The following ZFHX3 variants were observed in gnomAD, a reference collection of about 807,000 sequenced individuals.
ZFHX3 encodes zinc finger homeobox protein 3.
A neutral mutation model predicts 279.1 loss-of-function variants in ZFHX3; 42 were observed. The ratio of observed to expected loss-of-function variants is 0.15; its 90% CI spans 0.12 to 0.19. ZFHX3 has a LOEUF of 0.19. ZFHX3 is among the 10% of genes least tolerant of loss of function. The probability of loss-of-function intolerance (pLI) is 1.00; values close to 1 mark genes in which losing one functional copy is unlikely to be tolerated. For missense variants in ZFHX3, 4,981 were observed against 4,754.0 expected (o/e 1.05, Z -1.40); for synonymous variants, 2,293 against 1,957.8 (o/e 1.17, Z -4.52).
intron 6 of ZFHX3, among the ~76,000 whole-genome samples, chr16:73,142,216 T>A (rs909635679): frequency 6.6e-6 from 1 of 152,236 alleles, no homozygotes; most frequent in Non-Finnish European, 1.5e-5. Flanking sequence ...CATGATGACC[T>A]TGTGCCTCTG....
intron 3 of ZFHX3, among the ~76,000 whole-genome samples, chr16:72,893,412 A>C (rs1012030045): frequency 2.0e-5 from 3 of 152,232 alleles, no homozygotes; most frequent in African/African-American, 7.2e-5. Flanking sequence ...TCTGAGCCAC[A>C]AGAGAGGAAT....
At chr16:72,904,018 G>T (rs1302164096) in intron 3 of ZFHX3, among the ~76,000 whole-genome samples, 1 of 152,134 alleles carries the variant, frequency 6.6e-6, no homozygotes, top group Non-Finnish European at 1.5e-5. Context: ...CATCCCACAG[G>T]CTGGGACCAA....
intron 3 of ZFHX3, among the ~76,000 whole-genome samples, chr16:72,914,825 T>C (rs897377062): frequency 6.6e-6 from 1 of 152,126 alleles, no homozygotes; most frequent in African/African-American, 2.4e-5. Flanking sequence ...ACCCTGTCTC[T>C]ACTAAAAATA....
At chr16:73,467,136 C>T (rs116337525) in intron 2 of ZFHX3, among the ~76,000 whole-genome samples, 2,063 of 152,132 alleles carry the variant, frequency 0.014, 45 homozygotes, top group African/African-American at 0.048. Context: ...GTGATCTTTG[C>T]ATCTCAAGAA....
At chr16:73,654,268 A>G (rs979755723) in intron 2 of ZFHX3, among the ~76,000 whole-genome samples, 1 of 152,176 alleles carries the variant, frequency 6.6e-6, no homozygotes, top group South Asian at 2.1e-4. Flanking sequence ...GACATTTAAC[A>G]AAATTGGCTA....
In ZFHX3 at chr16:72,798,152, A is replaced by G; in HGVS notation, c.4530T>C (p.Ser1510=). The G allele has an allele frequency of 1.2e-6, 2 of 1,614,208 alleles. No homozygotes were observed. Among genetic ancestry groups the G allele is most frequent in the South Asian group, 2.2e-5 (2 of 91,080 alleles). ...EDKQSPTGSD[S]GSVQEDSGSE... is the part of the protein sequence containing the mutation. The stretch of plus-strand genomic sequence containing the variant: ...AGCCCGAGTCTTCTTGTACTGACCC[A>G]GAGTCACTGCCCGTTGGGCTCTGTT... Residue 1510 remains serine, a synonymous_variant, in exon 9 of 10, where the codon TCT becomes TCC. Coordinates refer to ENST00000268489, the MANE Select transcript of ZFHX3 (RefSeq NM_006885.4).
chr16:73,716,815 G>C (rs148137661), intron 1 of ZFHX3, among the ~76,000 whole-genome samples: 1 of 152,030 alleles, frequency 6.6e-6, no homozygotes, highest in African/African-American at 2.4e-5. Context: ...TGCCATAATA[G>C]GTACAGAGAT....
chr16:72,880,824 C>T (rs1375651643), intron 4 of ZFHX3, among the ~76,000 whole-genome samples: 1 of 152,136 alleles, frequency 6.6e-6, no homozygotes, highest in East Asian at 1.9e-4. Context: ...TATAAAAACC[C>T]ATTTAACATC....
intron 1 of ZFHX3, among the ~76,000 whole-genome samples, chr16:73,752,139 G>A (rs328340): frequency 0.055 from 8,331 of 152,168 alleles, 336 homozygotes; most frequent in African/African-American, 0.11. Flanking sequence ...CCATTTATAC[G>A]TAGGAGAGTA....
chr16:73,465,435 C>A (rs1329930445), intron 2 of ZFHX3, among the ~76,000 whole-genome samples: 1 of 152,146 alleles, frequency 6.6e-6, no homozygotes, highest in Non-Finnish European at 1.5e-5. Flanking sequence ...TCACATCCCG[C>A]CACCTCGAAA....
At chr16:73,158,685 A>G (rs1257866762) in intron 5 of ZFHX3, among the ~76,000 whole-genome samples, 2 of 152,206 alleles carry the variant, frequency 1.3e-5, no homozygotes, top group Non-Finnish European at 2.9e-5. Flanking sequence ...AGTACACTAC[A>G]GAGCTACAGT....
At chr16:73,863,562 C>A (rs985095874) in intron 1 of ZFHX3, among the ~76,000 whole-genome samples, 3 of 152,178 alleles carry the variant, frequency 2.0e-5, no homozygotes, top group African/African-American at 7.2e-5. Context: ...AAAAGACATA[C>A]GGTGATGGTG....
At chr16:73,075,761 G>A (rs1336292847) in intron 8 of ZFHX3, among the ~76,000 whole-genome samples, 3 of 151,802 alleles carry the variant, frequency 2.0e-5, no homozygotes, top group African/African-American at 7.3e-5. Flanking sequence ...AGCCTCCCGA[G>A]TAACTGGGAC....
chr16:72,987,881 G>A (rs1240790789), intron 1 of ZFHX3, among the ~76,000 whole-genome samples: 1 of 152,170 alleles, frequency 6.6e-6, no homozygotes, highest in Non-Finnish European at 1.5e-5. Context: ...GCAAAGGACA[G>A]ACAAACGCCA....
intron 1 of ZFHX3, among the ~76,000 whole-genome samples, chr16:73,695,452 A>T (rs1225304162): frequency 6.6e-6 from 1 of 152,098 alleles, no homozygotes; most frequent in Non-Finnish European, 1.5e-5. Context: ...TTCCCACTTG[A>T]TAGATGAAGA....
intron 3 of ZFHX3, among the ~76,000 whole-genome samples, chr16:73,374,864 G>T (rs1297518514): frequency 6.6e-6 from 1 of 152,212 alleles, no homozygotes. Flanking sequence ...GTAAATTGGT[G>T]ATTAGATCCA....
chr16:73,334,626 T>G (rs922196206), intron 3 of ZFHX3, among the ~76,000 whole-genome samples: 2 of 151,866 alleles, frequency 1.3e-5, no homozygotes, highest in African/African-American at 4.8e-5. Flanking sequence ...GCAGTCACTC[T>G]TCTTTGTGCC....
intron 2 of ZFHX3, among the ~76,000 whole-genome samples, chr16:73,556,464 C>A (rs2020284510): frequency 6.6e-6 from 1 of 152,188 alleles, no homozygotes; most frequent in African/African-American, 2.4e-5. Flanking sequence ...TGTCATTTAA[C>A]CTTCACCATC....
At chr16:73,778,714 C>G (rs1271931065) in intron 1 of ZFHX3, among the ~76,000 whole-genome samples, 1 of 152,174 alleles carries the variant, frequency 6.6e-6, no homozygotes, top group African/African-American at 2.4e-5. Flanking sequence ...TTGCTGTTGC[C>G]TTCCAAGAGC....
Sources: gnomAD v4.1 joint callset for allele counts (sites outside exome capture counted in the v4.1 genomes callset) on GRCh38, gnomAD v4.1.1 for gene constraint, MANE v1.5 for transcripts, NCBI Gene and HGNC (gene_info 2026-07-23, HGNC 2026-07-21) for gene names.